Variants in POM121C observed in about 807,000 individuals in gnomAD.
The protein encoded by POM121C is POM121 transmembrane nucleoporin C, also known as nuclear envelope pore membrane protein POM 121C.
Under a neutral mutation model 66.4 loss-of-function variants are expected in POM121C, and 20 were observed. That is an observed-to-expected ratio of 0.30 (90% CI 0.21 to 0.44). The LOEUF is 0.44. POM121C is among the 20% of genes least tolerant of loss of function. The pLI is 1.00. For missense variants in POM121C, 580 were observed against 1,225.7 expected, an observed-to-expected ratio of 0.47 and a Z score of 7.87; for synonymous variants, 286 against 528.0, an observed-to-expected ratio of 0.54 and a Z score of 6.28.
At chr7:75,474,266 T>C (rs1357245675) in intron 3 of POM121C, among the ~76,000 whole-genome samples, 1 of 152,034 alleles carries the variant, frequency 6.6e-6, no homozygotes, top group East Asian at 1.9e-4. Context: ...TGGTGGCATG[T>C]GCCTGAAATC....
chr7:75,456,651 A>G (rs1447446695), intron 3 of POM121C, among the ~76,000 whole-genome samples: 1 of 152,294 alleles, frequency 6.6e-6, no homozygotes, highest in Non-Finnish European at 1.5e-5. Context: ...GAGATGGGAC[A>G]TGAGACACAA....
chr7:75,419,213 T>G, intron 14 of POM121C, 107 bp downstream of exon 14: 1 of 1,458,278 alleles, frequency 6.9e-7, no homozygotes, highest in African/African-American at 1.4e-5. Context: ...ATGTCTTTCC[T>G]GTGCTGAACC....
chr7:75,421,938 G>A lies in POM121C; in HGVS notation c.2314C>T (p.His772Tyr), dbSNP rs782112306. 2 of 1,613,482 alleles carry A rather than the reference G, an allele frequency of 1.2e-6. No homozygotes were observed. Among genetic ancestry groups the A allele is most frequent in the East Asian group, 4.5e-5 (2 of 44,898 alleles). ...PIQPTFGGAT[H>Y]SAFGLKATAS... ...GTGGCTTTCAATCCAAACGCCGAGT[G>A]CGTGGCACCGCCAAAGGTAGGCTGG... Residue 772 changes from histidine to tyrosine, a missense_variant, in exon 13 of 15, where the codon CAC (histidine) becomes TAC (tyrosine). Physicochemically the swap from His to Tyr is moderately conservative, Grantham distance 83. Transcript: ENST00000615331.
chr7:75,421,531 A>T lies in POM121C; in HGVS notation c.2721T>A (p.Thr907=). The change falls in exon 13 of 15, where the codon ACT becomes ACA. Residue 907 remains threonine (T), a synonymous_variant. Coordinates refer to ENST00000615331, the MANE Select transcript of POM121C (RefSeq NM_001099415.3). The stretch of plus-strand genomic sequence containing the variant: ...TACCTCCAAACACAGGTTTGCTCTC[A>T]GTTGTGCTGCCCACGTTGAAGGCAA... ...TPFAFNVGST[T]ESKPVFGGTA... 6.2e-7 allele frequency: 1 copy of T among 1,611,044 alleles called. No homozygotes were observed.
At chr7:75,425,444 G>A (rs1789905380) in intron 9 of POM121C, 191 bp downstream of exon 9, 3 of 1,377,790 alleles carry the variant, frequency 2.2e-6, no homozygotes, top group Admixed American at 2.6e-5. Flanking sequence ...CCAATCGTTA[G>A]CCCCCATCTG....
chr7:75,442,783 A>T (rs1355456960), intron 3 of POM121C: 2 of 1,277,550 alleles, frequency 1.6e-6, no homozygotes, highest in East Asian at 6.6e-5. Context: ...GCGTCGCGTC[A>T]TCGCGCGCCC....
At chr7:75,472,996 C>G (rs1194399905) in intron 3 of POM121C, among the ~76,000 whole-genome samples, 1 of 152,154 alleles carries the variant, frequency 6.6e-6, no homozygotes, top group East Asian at 1.9e-4. Context: ...TCAAAAGAAA[C>G]AGAATGTGCT....
At position 75,474,879 on chromosome 7, in the gene POM121C, T is replaced by A. The variant is rs1244455959; in HGVS notation, c.-327A>T. The A allele has an allele frequency of 8.8e-7, 1 of 1,130,684 alleles. No individual in the cohort carries two copies. The highest frequency in any genetic ancestry group is 1.5e-5 in the African/African-American group (1 of 65,042). The allele number at this position is 1,130,684 out of a possible 1,614,324, so 70.0% of individuals were successfully genotyped here. A position where few individuals can be genotyped will look rare whatever the true frequency, so the allele number is the denominator to read the frequency against. ...CGAAGTACAAGATGTTGCCACCTCA[T>A]AAGCTGCATAACAGAAATGCTCCAT... is the stretch of plus-strand genomic sequence containing the variant. On this transcript the variant is annotated 5_prime_UTR_variant, in exon 3 of 15. The change abolishes an upstream ATG in the 5' untranslated region. Transcript: ENST00000615331.
chr7:75,442,303 A>G, intron 3 of POM121C: 1 of 1,437,460 alleles, frequency 7.0e-7, no homozygotes, highest in East Asian at 2.8e-5. Context: ...GGCCCTCCGG[A>G]GCGGGGGCGG....
chr7:75,485,122 G>C (rs1327622917), intron 1 of POM121C, among the ~76,000 whole-genome samples: 3 of 152,130 alleles, frequency 2.0e-5, no homozygotes, highest in Non-Finnish European at 2.9e-5. Flanking sequence ...TCGGATTACA[G>C]GTGTGAGCCA....
chr7:75,430,500 C>T (rs1247952107), intron 7 of POM121C, among the ~76,000 whole-genome samples: 2 of 152,092 alleles, frequency 1.3e-5, no homozygotes, highest in South Asian at 2.1e-4. Flanking sequence ...TGATCCCAAC[C>T]TCACACCACA....
At position 75,418,318 on chromosome 7, in the gene POM121C, C is replaced by G; in HGVS notation, c.*478G>C. On this transcript the variant is annotated 3_prime_UTR_variant, in exon 15 of 15. Transcript: ENST00000615331. ...GGGGAAACAGAGTCCCCAGAAGGGA[C>G]CAGAGGAAGAGAACCACTTCTCACA... 1.0e-6 allele frequency: 1 copy of G among 969,500 alleles called. No homozygotes were observed. Among genetic ancestry groups the G allele is most frequent in the Non-Finnish European group, 1.2e-6 (1 of 814,968 alleles). The allele number at this position is 969,500 out of a possible 1,614,324, so 60.1% of individuals were successfully genotyped here. A position where few individuals can be genotyped will look rare whatever the true frequency, so the allele number is the denominator to read the frequency against.
chr7:75,428,259 C>A (rs1294926058), intron 7 of POM121C, among the ~76,000 whole-genome samples: 1 of 152,176 alleles, frequency 6.6e-6, no homozygotes, highest in Non-Finnish European at 1.5e-5. Context: ...CCTGCCTCAG[C>A]CTCCTGAGTA....
At chr7:75,427,073 T>G (rs1789971293) in intron 7 of POM121C, among the ~76,000 whole-genome samples, 1 of 150,730 alleles carries the variant, frequency 6.6e-6, no homozygotes, top group Non-Finnish European at 1.5e-5. Flanking sequence ...CCCAGTAAAC[T>G]AATTTAGTCT....
At chr7:75,448,527 C>T (rs1227659587) in intron 3 of POM121C, among the ~76,000 whole-genome samples, 4 of 134,612 alleles carry the variant, frequency 3.0e-5, no homozygotes, top group Admixed American at 7.6e-5. Flanking sequence ...AAAGGCCAGG[C>T]GCAGTGGTTC....
At chr7:75,471,637 C>A (rs1791882875) in intron 3 of POM121C, among the ~76,000 whole-genome samples, 1 of 152,116 alleles carries the variant, frequency 6.6e-6, no homozygotes, top group South Asian at 2.1e-4. Flanking sequence ...AGATGGAAGA[C>A]TGACTTTCAT....
chr7:75,442,472 A>T, intron 3 of POM121C: 1 of 1,413,090 alleles, frequency 7.1e-7, no homozygotes, highest in South Asian at 1.5e-5. Context: ...CGCCTTCTGA[A>T]CGAAGGAGGA....
rs192823491 is a variant in POM121C, at chr7:75,482,689, C to G, written c.-458+3175G>C. 8.8e-4 allele frequency among the ~76,000 whole-genome samples: 133 copies of G among 150,884 alleles called. 1 individual carries two copies. The East Asian group carries it at 0.025, about 28-fold the overall frequency. On this transcript the variant is annotated intron_variant, in intron 1 of 14. Transcript: ENST00000615331. ...TGGGTGACAGAGCAAGACCCTATCTCAAAAAAAGAAAAAAAGAAACAAAAC... is the reference window on the plus strand; with the variant it reads ...TGGGTGACAGAGCAAGACCCTATCTGAAAAAAAGAAAAAAAGAAACAAAAC...
chr7:75,465,159 T>C (rs1791582104), intron 3 of POM121C, among the ~76,000 whole-genome samples: 2 of 151,642 alleles, frequency 1.3e-5, no homozygotes, highest in South Asian at 4.2e-4. Context: ...CATGCCCGGC[T>C]ATTTTTGTAT....
Sources: gnomAD v4.1 joint callset for allele counts (sites outside exome capture counted in the v4.1 genomes callset) on GRCh38, gnomAD v4.1.1 for gene constraint, MANE v1.5 for transcripts, NCBI Gene and HGNC (gene_info 2026-07-23, HGNC 2026-07-21) for gene names.